Variants in ADAMTSL1 observed in about 807,000 individuals in gnomAD.
ADAMTSL1 encodes ADAMTS like 1, also known as ADAMTS-like protein 1.
In ADAMTSL1, 126 loss-of-function variants were observed where a neutral mutation model predicts 201.8. That is an observed-to-expected ratio of 0.62 (90% CI 0.54 to 0.72). The LOEUF is 0.72. Ranked by LOEUF, ADAMTSL1 falls within the 30% of genes least tolerant of loss-of-function variation. The pLI is 0.00. For missense variants in ADAMTSL1, 2,679 were observed against 2,277.8 expected, an observed-to-expected ratio of 1.18 and a Z score of -3.59; for synonymous variants, 1,121 against 903.4, an observed-to-expected ratio of 1.24 and a Z score of -4.32.
rs143334077 is a variant in ADAMTSL1, at chr9:18,574,144, C to A, written c.352C>A (p.Pro118Thr). The A allele has an allele frequency of 6.2e-7, 1 of 1,614,120 alleles. No homozygotes were observed. The highest frequency in any genetic ancestry group is 1.7e-5 in the Admixed American group (1 of 59,996). ...WLPVSNDPDNPCSLKCQAKGT... is the reference protein window; with the variant it reads ...WLPVSNDPDNTCSLKCQAKGT... ...TCCTGTGTCTAATGACCCTGACAAC[C>A]CATGTTCACTCAAGTGCCAAGCCAA... The change falls in exon 4 of 29, where the codon CCA (proline) becomes ACA (threonine). Residue 118 changes from proline (P) to threonine (T), a missense_variant. By Grantham distance (38) the Pro-to-Thr change is conservative. Coordinates refer to ENST00000380548, the MANE Select transcript of ADAMTSL1 (RefSeq NM_001040272.6).
intron 8 of ADAMTSL1, 120 bp from the exon 9 acceptor site, chr9:18,661,815 C>A: frequency 1.9e-6 from 2 of 1,078,918 alleles, no homozygotes; most frequent in Non-Finnish European, 2.5e-6. Context: ...GTCTTTTTTC[C>A]TGGAAATGAC....
intron 1 of ADAMTSL1, among the ~76,000 whole-genome samples, chr9:17,971,613 C>T (rs548453514): frequency 1.1e-4 from 17 of 151,972 alleles, no homozygotes; most frequent in African/African-American, 3.6e-4. Context: ...TAATTTTTTC[C>T]ATGTCAACAG....
chr9:18,507,090 C>A (rs970352836), intron 2 of ADAMTSL1, among the ~76,000 whole-genome samples: 3 of 152,124 alleles, frequency 2.0e-5, no homozygotes, highest in African/African-American at 7.2e-5. Flanking sequence ...TGTGAAAGAA[C>A]TATTTATATA....
intron 2 of ADAMTSL1, among the ~76,000 whole-genome samples, chr9:18,214,284 T>C (rs2132329598): frequency 6.6e-6 from 1 of 152,334 alleles, no homozygotes; most frequent in South Asian, 2.1e-4. Context: ...TATCATAAAA[T>C]CTCTTCGAAA....
At chr9:18,649,890 C>T (rs564054789) in intron 7 of ADAMTSL1, among the ~76,000 whole-genome samples, 3,636 of 152,214 alleles carry the variant, frequency 0.024, 59 homozygotes, top group South Asian at 0.046. Context: ...TCTCCAGCTG[C>T]GTGCTGGGAG....
At chr9:18,044,716 AG>A (rs1460144046) in intron 1 of ADAMTSL1, among the ~76,000 whole-genome samples, 11 of 152,154 alleles carry the variant, frequency 7.2e-5, no homozygotes, top group Non-Finnish European at 1.6e-4. Flanking sequence ...AGAGACTTTT[AG>A]GGGCACTTGC....
chr9:18,202,717 T>G (rs1829500768), intron 2 of ADAMTSL1, among the ~76,000 whole-genome samples: 1 of 152,188 alleles, frequency 6.6e-6, no homozygotes, highest in Non-Finnish European at 1.5e-5. Context: ...TCTGCATATA[T>G]GCTTCTCTCT....
At chr9:18,828,701 G>GTC (rs1563836174) in intron 22 of ADAMTSL1, among the ~76,000 whole-genome samples, 1 of 93,354 alleles carries the variant, frequency 1.1e-5, no homozygotes, top group African/African-American at 4.0e-5. Context: ...TATAAAATGT[G>GTC]TGTGTGTGTA....
At chr9:18,426,135 A>G (rs887635915) in intron 2 of ADAMTSL1, among the ~76,000 whole-genome samples, 2 of 152,128 alleles carry the variant, frequency 1.3e-5, no homozygotes, top group Non-Finnish European at 2.9e-5. Flanking sequence ...AGAATCATAT[A>G]GATCAGATAA....
At chr9:18,045,704 C>T (rs889498355) in intron 1 of ADAMTSL1, among the ~76,000 whole-genome samples, 1 of 151,546 alleles carries the variant, frequency 6.6e-6, no homozygotes, top group Non-Finnish European at 1.5e-5. Context: ...TCATCATTTC[C>T]ATGGATCAGG....
At chr9:18,415,912 A>T (rs1818653980) in intron 2 of ADAMTSL1, among the ~76,000 whole-genome samples, 1 of 152,110 alleles carries the variant, frequency 6.6e-6, no homozygotes, top group Non-Finnish European at 1.5e-5. Context: ...AAATACTGAA[A>T]GGAAAAAAAG....
chr9:18,843,854 C>T (rs1345936092), intron 23 of ADAMTSL1, among the ~76,000 whole-genome samples: 18 of 151,228 alleles, frequency 1.2e-4, no homozygotes, highest in African/African-American at 2.5e-4. Context: ...GCATTCTTCA[C>T]GTAGTTCTTG....
rs1247784468 is a variant in ADAMTSL1 at position 18,892,587 on chromosome 9, C to T, written c.4842C>T (p.Ser1614=). 6.4e-7 allele frequency: 1 copy of T among 1,560,832 alleles called. No individual in the cohort carries two copies. The highest frequency in any genetic ancestry group is 1.4e-5 in the African/African-American group (1 of 73,706). Residue 1614 remains serine, a synonymous_variant, in exon 26 of 29, where the codon AGC becomes AGT. Coordinates refer to ENST00000380548, the MANE Select transcript of ADAMTSL1 (RefSeq NM_001040272.6). ...TGTGTGTGGAGTGGGCCTTCTCCAG[C>T]TGGGGCCAGGTGAGGAGCCAGAGAG... ...QQLCVEWAFS[S]WGQCNGPCIG...
intron 7 of ADAMTSL1, among the ~76,000 whole-genome samples, chr9:18,649,405 G>A (rs1428212844): frequency 6.6e-6 from 1 of 152,160 alleles, no homozygotes; most frequent in Admixed American, 6.5e-5. Flanking sequence ...GTCATTCTCT[G>A]TCCAGCTTTG....
chr9:18,437,535 A>G (rs1166209349), intron 2 of ADAMTSL1, among the ~76,000 whole-genome samples: 1 of 152,140 alleles, frequency 6.6e-6, no homozygotes, highest in Non-Finnish European at 1.5e-5. Context: ...GAAGTTGTCT[A>G]CTGACCTGCC....
rs145357416 is a variant in ADAMTSL1 at position 18,766,210 on chromosome 9, G to A, written c.2218-4392G>A. Among the ~76,000 whole-genome samples, 8 of 152,302 alleles carry A rather than the reference G, an allele frequency of 5.3e-5. No individual in the cohort carries two copies. The East Asian group carries it at 1.5e-3, about 29-fold the overall frequency. Reference sequence around the variant, plus strand: ...GGCATTTAATAAATTTATGTGGAATGAATTAATAAAGTTGGAAGGATTTAA... The same window carrying A: ...GGCATTTAATAAATTTATGTGGAATAAATTAATAAAGTTGGAAGGATTTAA... On this transcript the variant is annotated intron_variant, in intron 16 of 28. Transcript: ENST00000380548.
intron 1 of ADAMTSL1, among the ~76,000 whole-genome samples, chr9:17,933,390 A>C (rs1050400223): frequency 6.6e-6 from 1 of 152,052 alleles, no homozygotes; most frequent in African/African-American, 2.4e-5. Context: ...AAATTCCTTA[A>C]CTTACCTATT....
intron 23 of ADAMTSL1, among the ~76,000 whole-genome samples, chr9:18,877,410 C>A (rs1227322218): frequency 4.6e-5 from 7 of 152,116 alleles, no homozygotes; most frequent in African/African-American, 1.7e-4. Flanking sequence ...ATTCTTTTGT[C>A]CCACAGGGTG....
intron 1 of ADAMTSL1, among the ~76,000 whole-genome samples, chr9:18,133,046 C>T (rs1413657419): frequency 6.6e-6 from 1 of 152,072 alleles, no homozygotes; most frequent in African/African-American, 2.4e-5. Context: ...CAGAATCTCT[C>T]TCAGGACTGT....
Sources: allele counts gnomAD v4.1 joint callset (sites outside exome capture counted in the v4.1 genomes callset), GRCh38; gene constraint gnomAD v4.1.1; transcripts MANE v1.5; gene names NCBI Gene and HGNC (gene_info 2026-07-23, HGNC 2026-07-21).